The following NCOA1 variants were observed in gnomAD, a reference collection of about 807,000 sequenced individuals.
NCOA1 encodes the protein Hin-2 protein.
NCOA1 carries 35 observed loss-of-function variants against 150.9 expected under a neutral mutation model. That is an observed-to-expected ratio of 0.23 (90% CI 0.18 to 0.31). The LOEUF (loss-of-function observed/expected upper bound fraction) is 0.31. NCOA1 is among the 10% of genes least tolerant of loss of function. The pLI is 1.00. For missense variants in NCOA1, 1,491 were observed against 1,749.3 expected (o/e 0.85, Z 2.63); for synonymous variants, 590 against 630.0 (o/e 0.94, Z 0.95).
chr2:24,727,131 T>C (rs1674671104), intron 15 of NCOA1, among the ~76,000 whole-genome samples: 1 of 121,250 alleles, frequency 8.2e-6, no homozygotes, highest in Admixed American at 9.9e-5. Context: ...AGAGTGAAAC[T>C]CTGTCTCAAA....
In NCOA1 at chr2:24,525,597, A is replaced by G. The variant is rs1191807234; in HGVS notation, c.-396+33995A>G. On this transcript the variant is annotated intron_variant, in intron 1 of 22. Coordinates refer to ENST00000348332, the MANE Select transcript of NCOA1 (RefSeq NM_003743.5). ...AGTCTTGCTCTGTCACCCAGGCTGG[A>G]GGGCAGTGGCGCGATTTTGGCTCAC... 2.0e-5 allele frequency among the ~76,000 whole-genome samples: 3 copies of G among 149,396 alleles called. No individual in the cohort carries two copies. The East Asian group carries it at 5.9e-4, about 29-fold the overall frequency.
At chr2:24,658,360 GA>G (rs1031673117) in intron 4 of NCOA1, among the ~76,000 whole-genome samples, 1 of 150,420 alleles carries the variant, frequency 6.6e-6, no homozygotes, top group African/African-American at 2.4e-5. Flanking sequence ...TTTCTCTTTG[GA>G]AAAAAAAATC....
chr2:24,682,914 T>C (rs1200541453), intron 7 of NCOA1, 37 bp from the exon 8 acceptor site: 1 of 1,533,470 alleles, frequency 6.5e-7, no homozygotes. Context: ...CTTTTATCTT[T>C]CAACCTCCAA....
chr2:24,589,825 G>A (rs1321687303), intron 3 of NCOA1, among the ~76,000 whole-genome samples: 1 of 152,164 alleles, frequency 6.6e-6, no homozygotes, highest in Non-Finnish European at 1.5e-5. Flanking sequence ...CCATCTGCCT[G>A]AAAGATGATG....
intron 1 of NCOA1, among the ~76,000 whole-genome samples, chr2:24,519,381 A>T (rs181189164): frequency 6.6e-6 from 1 of 152,286 alleles, no homozygotes; most frequent in African/African-American, 2.4e-5. Flanking sequence ...GGCTGGAAGG[A>T]CTGGGGGACA....
At chr2:24,559,952 T>C (rs1450685330) in intron 1 of NCOA1, among the ~76,000 whole-genome samples, 1 of 152,184 alleles carries the variant, frequency 6.6e-6, no homozygotes, top group Non-Finnish European at 1.5e-5. Flanking sequence ...TCTGTTCTTC[T>C]CCTAGTGGCT....
At chr2:24,669,752 A>C (rs995405216) in intron 6 of NCOA1, among the ~76,000 whole-genome samples, 1 of 152,252 alleles carries the variant, frequency 6.6e-6, no homozygotes, top group South Asian at 2.1e-4. Context: ...CAACAAGCAC[A>C]TGAAAAAGAT....
chr2:24,687,304 G>A (rs533342780), intron 8 of NCOA1, among the ~76,000 whole-genome samples: 2 of 151,876 alleles, frequency 1.3e-5, no homozygotes, highest in African/African-American at 2.4e-5. Flanking sequence ...CCTGATAACC[G>A]AATAGATCAG....
At chr2:24,572,460 G>A (rs767494551) in intron 2 of NCOA1, among the ~76,000 whole-genome samples, 13 of 152,114 alleles carry the variant, frequency 8.5e-5, no homozygotes, top group Non-Finnish European at 1.3e-4. Flanking sequence ...TGCAAAGGAC[G>A]TTATGACATA....
Position 24,768,732 on chromosome 2 carries a change from G to A in NCOA1, c.*341G>A, listed in dbSNP as rs2148711101. Reference sequence around the variant, plus strand: ...AAGGCTTTTGGAGGAGAACCAAAACGACAAGTTCCAAGAAGAAGATGAAGC... The same window carrying A: ...AAGGCTTTTGGAGGAGAACCAAAACAACAAGTTCCAAGAAGAAGATGAAGC... On this transcript the variant is annotated 3_prime_UTR_variant, in exon 23 of 23. Coordinates refer to ENST00000348332, the MANE Select transcript of NCOA1 (RefSeq NM_003743.5). The A allele has an allele frequency of 8.8e-6, 2 of 227,816 alleles. No individual in the cohort carries two copies. The highest frequency in any genetic ancestry group is 1.8e-4 in the South Asian group (1 of 5,666). 14.1% of individuals were successfully genotyped at this position (227,816 alleles called of 1,614,324 possible). A position where few individuals can be genotyped will look rare whatever the true frequency, so the allele number is the denominator to read the frequency against.
chr2:24,600,351 A>G (rs545299548), intron 3 of NCOA1, among the ~76,000 whole-genome samples: 6 of 152,094 alleles, frequency 3.9e-5, no homozygotes, highest in Non-Finnish European at 5.9e-5. Context: ...GACTACAGGC[A>G]TGTGCCACCA....
chr2:24,577,948 C>T (rs974872887), intron 2 of NCOA1, among the ~76,000 whole-genome samples: 1 of 152,086 alleles, frequency 6.6e-6, no homozygotes, highest in African/African-American at 2.4e-5. Flanking sequence ...CTGAGTTTAC[C>T]TGTGCAGTTA....
Position 24,691,335 on chromosome 2 carries a change from A to C in NCOA1, c.533-146A>C, listed in dbSNP as rs1672659267. On this transcript the variant is annotated intron_variant, in intron 8 of 22. Coordinates refer to ENST00000348332, the MANE Select transcript of NCOA1 (RefSeq NM_003743.5). ...AGGGAGATAAGTATTCTATTGCCTC[A>C]GGATAATGTTAGATCTGAAGAGGTC... 7 of 625,692 alleles carry C rather than the reference A, an allele frequency of 1.1e-5. No individual in the cohort carries two copies. The South Asian group carries it at 1.3e-4, about 11-fold the overall frequency. 38.8% of individuals were successfully genotyped at this position (625,692 alleles called of 1,614,324 possible).
chr2:24,623,372 A>G (rs1295358895), intron 3 of NCOA1, among the ~76,000 whole-genome samples: 3 of 152,196 alleles, frequency 2.0e-5, no homozygotes, highest in African/African-American at 4.8e-5. Context: ...TGGATTACCT[A>G]TGGAATTTTT....
At chr2:24,514,285 CAAAAAA>C (rs57412614) in intron 1 of NCOA1, among the ~76,000 whole-genome samples, 19 of 32,942 alleles carry the variant, frequency 5.8e-4, no homozygotes, top group African/African-American at 1.7e-3. Context: ...GACTCTGTCT[CAAAAAA>C]AAAAAAAAAA....
At chr2:24,552,490 C>T (rs1254545456) in intron 1 of NCOA1, among the ~76,000 whole-genome samples, 3 of 148,714 alleles carry the variant, frequency 2.0e-5, no homozygotes, top group Admixed American at 6.7e-5. Context: ...CCTCAGCTCC[C>T]GAGTAGCTGG....
intron 2 of NCOA1, among the ~76,000 whole-genome samples, chr2:24,570,882 C>A (rs999853212): frequency 1.3e-5 from 2 of 152,020 alleles, no homozygotes; most frequent in Non-Finnish European, 2.9e-5. Flanking sequence ...AAAAGAGAAA[C>A]GGAGGAGGAA....
chr2:24,763,707 G>T (rs191077590), intron 22 of NCOA1, among the ~76,000 whole-genome samples: 1 of 133,442 alleles, frequency 7.5e-6, no homozygotes, highest in South Asian at 2.6e-4. Flanking sequence ...TGCAACCTGC[G>T]CCCCCTGGGT....
chr2:24,573,991 A>G (rs1666848725), intron 2 of NCOA1, among the ~76,000 whole-genome samples: 1 of 151,962 alleles, frequency 6.6e-6, no homozygotes, highest in African/African-American at 2.4e-5. Flanking sequence ...AATGCCTAGG[A>G]GAAAGGAAAG....
Sources: allele counts gnomAD v4.1 joint callset (sites outside exome capture counted in the v4.1 genomes callset), GRCh38; gene constraint gnomAD v4.1.1; transcripts MANE v1.5; gene names NCBI Gene and HGNC (gene_info 2026-07-23, HGNC 2026-07-21).